The following SHISA9 variants were observed in gnomAD, a reference collection of about 807,000 sequenced individuals.
SHISA9 encodes the protein shisa family member 9.
In SHISA9, 13 loss-of-function variants were observed where a neutral mutation model predicts 38.0. The observed-to-expected ratio is 0.34, with a 90% CI of 0.22 to 0.54. The LOEUF (loss-of-function observed/expected upper bound fraction) is 0.54, where lower values mean the gene tolerates loss of function less well. SHISA9 is among the 20% of genes least tolerant of loss of function. The pLI is 0.91. For synonymous variants in SHISA9, 275 were observed against 242.0 expected (o/e 1.14, Z -1.27); for missense variants, 538 against 575.8 (o/e 0.93, Z 0.67).
chr16:13,259,499 A>G, the SHISA9 span, among the ~76,000 whole-genome samples: 5 of 152,182 alleles, frequency 3.3e-5, no homozygotes, highest in African/African-American at 1.2e-4. Flanking sequence ...GGGGGCTCCA[A>G]CCTCACATTT....
intron 2 of SHISA9, among the ~76,000 whole-genome samples, chr16:13,020,494 G>T (rs979674630): frequency 1.3e-5 from 2 of 152,168 alleles, no homozygotes; most frequent in Non-Finnish European, 2.9e-5. Context: ...GTTTGCTAAA[G>T]ATAATGGCCT....
chr16:13,251,531 T>G, the SHISA9 span, among the ~76,000 whole-genome samples: 1 of 152,098 alleles, frequency 6.6e-6, no homozygotes, highest in South Asian at 2.1e-4. Context: ...TATTGGAGAT[T>G]AGTGGTGCAT....
At chr16:13,507,599 A>G in the SHISA9 span, among the ~76,000 whole-genome samples, 4 of 152,154 alleles carry the variant, frequency 2.6e-5, no homozygotes, top group African/African-American at 9.7e-5. Flanking sequence ...GGGTTCCTGG[A>G]CCATGCATTT....
chr16:13,517,002 G>A, the SHISA9 span, among the ~76,000 whole-genome samples: 1 of 152,178 alleles, frequency 6.6e-6, no homozygotes, highest in African/African-American at 2.4e-5. Flanking sequence ...GTGGTGATTT[G>A]ATGTTATCCC....
chr16:12,973,353 A>C, intron 2 of SHISA9, among the ~76,000 whole-genome samples: 1 of 152,234 alleles, frequency 6.6e-6, no homozygotes. Flanking sequence ...TAGAAAGTCA[A>C]GAAACATGTG....
chr16:13,132,313 G>A (rs2050312985), intron 2 of SHISA9, among the ~76,000 whole-genome samples: 1 of 152,266 alleles, frequency 6.6e-6, no homozygotes, highest in East Asian at 1.9e-4. Context: ...ACTTAGAAGA[G>A]TGTCTGATAC....
At chr16:13,337,052 G>A in the SHISA9 span, among the ~76,000 whole-genome samples, 1 of 152,198 alleles carries the variant, frequency 6.6e-6, no homozygotes, top group Admixed American at 6.5e-5. Context: ...ACTGATGCCT[G>A]GCTCTAGAGT....
chr16:13,186,724 CAAT>C (rs1449225476), intron 2 of SHISA9, among the ~76,000 whole-genome samples: 9 of 152,284 alleles, frequency 5.9e-5, no homozygotes, highest in African/African-American at 1.9e-4. Flanking sequence ...TAATAAATCC[CAAT>C]CCCCGCTTCT....
At chr16:13,027,330 C>G (rs1324987213) in intron 2 of SHISA9, among the ~76,000 whole-genome samples, 1 of 152,124 alleles carries the variant, frequency 6.6e-6, no homozygotes, top group Non-Finnish European at 1.5e-5. Flanking sequence ...GCAAAATTTC[C>G]AGGAATCTAG....
At chr16:13,330,918 C>G in the SHISA9 span, among the ~76,000 whole-genome samples, 1 of 152,134 alleles carries the variant, frequency 6.6e-6, no homozygotes. Context: ...GTGTGTAAGA[C>G]AGATTCTCCC....
the SHISA9 span, among the ~76,000 whole-genome samples, chr16:13,520,556 T>C: frequency 7.8e-6 from 1 of 128,008 alleles, no homozygotes; most frequent in Admixed American, 9.9e-5. Flanking sequence ...TGAGCTGAGA[T>C]GGCGCCATTG....
chr16:13,468,188 T>C, the SHISA9 span, among the ~76,000 whole-genome samples: 1 of 152,128 alleles, frequency 6.6e-6, no homozygotes, highest in African/African-American at 2.4e-5. Context: ...CAAGAGGCCT[T>C]TTAAAGGGGG....
At chr16:12,903,597 C>T (rs1462879345) in intron 1 of SHISA9, among the ~76,000 whole-genome samples, 3 of 152,188 alleles carry the variant, frequency 2.0e-5, no homozygotes, top group Admixed American at 6.5e-5. Context: ...ACTAGGAGCA[C>T]TAAGCCCCCG....
At chr16:13,381,563 C>T in the SHISA9 span, among the ~76,000 whole-genome samples, 37 of 152,152 alleles carry the variant, frequency 2.4e-4, no homozygotes, top group Non-Finnish European at 4.4e-5. Context: ...GTTCATTTAA[C>T]TATATTTGAG....
intron 2 of SHISA9, among the ~76,000 whole-genome samples, chr16:12,941,504 C>G (rs1285477949): frequency 6.6e-6 from 1 of 152,198 alleles, no homozygotes; most frequent in Non-Finnish European, 1.5e-5. Flanking sequence ...TCCCATCAAG[C>G]ATTTATCATT....
At chr16:13,082,771 T>C (rs2073666893) in intron 2 of SHISA9, among the ~76,000 whole-genome samples, 1 of 152,158 alleles carries the variant, frequency 6.6e-6, no homozygotes. Flanking sequence ...AGTTTGTACA[T>C]GTGTGGGTGG....
intron 2 of SHISA9, among the ~76,000 whole-genome samples, chr16:13,020,182 A>G (rs963173337): frequency 2.0e-5 from 3 of 151,186 alleles, no homozygotes; most frequent in African/African-American, 7.3e-5. Context: ...AAGTGCCACC[A>G]TGCCTGGCTA....
the SHISA9 span, among the ~76,000 whole-genome samples, chr16:13,437,306 A>G: frequency 6.6e-6 from 1 of 151,948 alleles, no homozygotes; most frequent in South Asian, 2.1e-4. Flanking sequence ...CTCCCCTCCC[A>G]CTCTACCCTG....
Position 13,021,674 on chromosome 16 carries a change from A to G in SHISA9, c.691+104859A>G, listed in dbSNP as rs191706352. ...TAAGAGGATTCTTATAAAACTCAGC[A>G]TAACTTTATTTCCTCTTGGAATTTC... On this transcript the variant is annotated intron_variant, in intron 2 of 4. Coordinates refer to ENST00000558583, the MANE Select transcript of SHISA9 (RefSeq NM_001145204.3). Among the ~76,000 whole-genome samples the G allele has an allele frequency of 4.6e-3, 701 of 152,334 alleles. 1 individual carries two copies. Among genetic ancestry groups the G allele is most frequent in the Non-Finnish European group, 8.3e-3 (565 of 68,030 alleles).
Sources: gnomAD v4.1 joint callset for allele counts (sites outside exome capture counted in the v4.1 genomes callset) on GRCh38, gnomAD v4.1.1 for gene constraint, MANE v1.5 for transcripts, NCBI Gene and HGNC (gene_info 2026-07-23, HGNC 2026-07-21) for gene names.